MDGA2: variants seen among roughly 807,000 people sequenced by gnomAD.
The protein encoded by MDGA2 is MAM domain-containing glycosylphosphatidylinositol anchor protein 2.
A neutral mutation model predicts 117.8 loss-of-function variants in MDGA2; 40 were observed. The ratio of observed to expected loss-of-function variants is 0.34; its 90% confidence interval spans 0.26 to 0.44. The LOEUF is 0.44. Ranked by LOEUF, MDGA2 falls within the 20% of genes least tolerant of loss-of-function variation. MDGA2 has a pLI of 1.00. For missense variants in MDGA2, 1,123 were observed against 1,250.6 expected, an observed-to-expected ratio of 0.90 and a Z score of 1.54; for synonymous variants, 452 against 439.0, an observed-to-expected ratio of 1.03 and a Z score of -0.37.
chr14:46,995,034 CTTG>C (rs1018125494), intron 8 of MDGA2, among the ~76,000 whole-genome samples: 2 of 152,080 alleles, frequency 1.3e-5, no homozygotes, highest in Admixed American at 1.3e-4. Context: ...CTAAGTTTAT[CTTG>C]TTTAGTACAG....
chr14:46,901,453 C>T (rs1486830741), intron 10 of MDGA2, among the ~76,000 whole-genome samples: 1 of 152,216 alleles, frequency 6.6e-6, no homozygotes, highest in South Asian at 2.1e-4. Flanking sequence ...AGCATCTGTG[C>T]ATACAAAAGT....
At chr14:47,201,144 T>C in intron 3 of MDGA2, 1 of 713,244 alleles carries the variant, frequency 1.4e-6, no homozygotes, top group South Asian at 1.4e-5. Flanking sequence ...TCTATTTTTA[T>C]TGCATTAGCT....
intron 1 of MDGA2, among the ~76,000 whole-genome samples, chr14:47,628,209 C>T (rs1178677862): frequency 6.6e-6 from 1 of 152,188 alleles, no homozygotes; most frequent in Non-Finnish European, 1.5e-5. Context: ...CTCAGTAATT[C>T]TCCTCATCCA....
chr14:47,035,063 G>A lies in MDGA2; in HGVS notation c.1767C>T (p.Tyr589=). The A allele has an allele frequency of 6.2e-7, 1 of 1,614,086 alleles. No homozygotes were observed. The highest frequency in any genetic ancestry group is 8.5e-7 in the Non-Finnish European group (1 of 1,179,994). ...CCCTTGGTTTCACGTTAAATCCATT[G>A]TATTGGCTGGTCTGACATCTGTACA... ...SGMYRCQTSQ[Y]NGFNVKPREA... is the part of the protein sequence containing the mutation. Residue 589 remains tyrosine, a synonymous_variant, in exon 8 of 17, where the codon TAC becomes TAT. Coordinates refer to ENST00000399232, the MANE Select transcript of MDGA2 (RefSeq NM_001113498.3).
chr14:47,673,972 C>T (rs967927364), intron 1 of MDGA2, among the ~76,000 whole-genome samples: 1 of 151,930 alleles, frequency 6.6e-6, no homozygotes, highest in Non-Finnish European at 1.5e-5. Context: ...TTTCCCCTCC[C>T]GAAGTCAGTG....
intron 1 of MDGA2, among the ~76,000 whole-genome samples, chr14:47,303,276 C>T (rs1232777477): frequency 6.6e-6 from 1 of 152,040 alleles, no homozygotes; most frequent in African/African-American, 2.4e-5. Context: ...TATCCTTTTC[C>T]TTTGTCTTTT....
At chr14:47,254,831 G>A (rs1887564327) in intron 2 of MDGA2, among the ~76,000 whole-genome samples, 1 of 152,156 alleles carries the variant, frequency 6.6e-6, no homozygotes, top group Non-Finnish European at 1.5e-5. Flanking sequence ...AAAGAGGCTT[G>A]GGTGGGAGGC....
At chr14:46,918,819 T>C (rs905015949) in intron 10 of MDGA2, among the ~76,000 whole-genome samples, 3 of 147,730 alleles carry the variant, frequency 2.0e-5, no homozygotes, top group Non-Finnish European at 4.4e-5. Flanking sequence ...TGGAGTGCAG[T>C]GGCGCGACCT....
At chr14:47,241,873 C>A (rs1043214778) in intron 2 of MDGA2, among the ~76,000 whole-genome samples, 1 of 151,880 alleles carries the variant, frequency 6.6e-6, no homozygotes, top group Non-Finnish European at 1.5e-5. Flanking sequence ...GAAATCCCTT[C>A]TTTACTATGA....
In MDGA2 at chr14:47,131,711, T is replaced by C. The variant is rs770139897; in HGVS notation, c.925+3A>G. On this transcript the variant is annotated splice_donor_region_variant and intron_variant, in intron 5 of 16. Transcript: ENST00000399232. Reference sequence around the variant, plus strand: ...CATGTAACATACAGAGATAATTCCATACCTGTTTTATTGGACAGTCTAAAC... The same window carrying C: ...CATGTAACATACAGAGATAATTCCACACCTGTTTTATTGGACAGTCTAAAC... 7 of 1,509,708 alleles carry C rather than the reference T, an allele frequency of 4.6e-6. No individual in the cohort carries two copies. Among genetic ancestry groups the C allele is most frequent in the South Asian group, 1.4e-5 (1 of 73,658 alleles). The allele number at this position is 1,509,708 out of a possible 1,614,324, so 93.5% of individuals were successfully genotyped here.
intron 1 of MDGA2, among the ~76,000 whole-genome samples, chr14:47,361,425 C>T (rs1048163668): frequency 6.6e-6 from 1 of 152,050 alleles, no homozygotes; most frequent in Non-Finnish European, 1.5e-5. Context: ...GATGTTGAAG[C>T]CATCCAGTCT....
chr14:46,890,703 A>G (rs1882847261), intron 10 of MDGA2, among the ~76,000 whole-genome samples: 1 of 152,070 alleles, frequency 6.6e-6, no homozygotes, highest in African/African-American at 2.4e-5. Context: ...AAAGCTCACC[A>G]GTAAATAAAT....
At chr14:47,522,092 T>C (rs1422682638) in intron 1 of MDGA2, among the ~76,000 whole-genome samples, 1 of 152,146 alleles carries the variant, frequency 6.6e-6, no homozygotes, top group East Asian at 1.9e-4. Flanking sequence ...CCTTTTCTAT[T>C]TCTCCTTATT....
chr14:47,061,507 C>G lies in MDGA2; in HGVS notation c.1267G>C (p.Glu423Gln). The change falls in exon 7 of 17, where the codon GAG (glutamate) becomes CAG (glutamine). Residue 423 changes from glutamate to glutamine, a missense_variant. Glu to Gln is a conservative substitution (Grantham distance 29). Transcript: ENST00000399232. ...HKDDNIQIGR[E>Q]VKISCQVEAV... Reference sequence around the variant, plus strand: ...TCTACTTGGCAAGATATTTTCACCTCACGGCCAATCTGGATGTTGTCATCT... The same window carrying G: ...TCTACTTGGCAAGATATTTTCACCTGACGGCCAATCTGGATGTTGTCATCT... 1 of 1,613,356 alleles carries G rather than the reference C, an allele frequency of 6.2e-7. No individual in the cohort carries two copies. Among genetic ancestry groups the G allele is most frequent in the Non-Finnish European group, 8.5e-7 (1 of 1,179,556 alleles).
chr14:46,885,200 T>C (rs917806050), intron 10 of MDGA2, among the ~76,000 whole-genome samples: 16 of 152,148 alleles, frequency 1.1e-4, no homozygotes, highest in East Asian at 1.9e-4. Flanking sequence ...AAGAAAAAGA[T>C]TGAGAAATTT....
At chr14:47,344,872 T>TGG (rs1453066952) in intron 1 of MDGA2, among the ~76,000 whole-genome samples, 7 of 135,416 alleles carry the variant, frequency 5.2e-5, no homozygotes, top group Non-Finnish European at 1.2e-4. Context: ...TGTGTGTGTA[T>TGG]GAGAGTGTGT....
chr14:47,435,353 T>A (rs1892876066), intron 1 of MDGA2, among the ~76,000 whole-genome samples: 1 of 152,096 alleles, frequency 6.6e-6, no homozygotes, highest in Non-Finnish European at 1.5e-5. Flanking sequence ...ATGCAAATAT[T>A]TTTGGCTGCT....
intron 10 of MDGA2, among the ~76,000 whole-genome samples, chr14:46,907,542 A>G (rs1364616239): frequency 6.6e-6 from 1 of 152,132 alleles, no homozygotes; most frequent in African/African-American, 2.4e-5. Flanking sequence ...GCCTACAGAA[A>G]TAGATATTAT....
In MDGA2 at chr14:47,671,595, T is replaced by C. The variant is rs191989403; in HGVS notation, c.280+2922A>G. Among the ~76,000 whole-genome samples, 894 of 152,338 alleles carry C rather than the reference T, an allele frequency of 5.9e-3. 29 individuals are homozygous for C. The highest frequency in any genetic ancestry group is 0.052 in the Admixed American group (799 of 15,298). ...TGAACCATGATACTAGAAAACACTA[T>C]TGAGAAATATTACTTTGTGTGTAGT... is the stretch of plus-strand genomic sequence containing the variant. On this transcript the variant is annotated intron_variant, in intron 1 of 16. Transcript: ENST00000399232.
Sources: gnomAD v4.1 joint callset for allele counts (sites outside exome capture counted in the v4.1 genomes callset) on GRCh38, gnomAD v4.1.1 for gene constraint, MANE v1.5 for transcripts, NCBI Gene and HGNC (gene_info 2026-07-23, HGNC 2026-07-21) for gene names.